Variants in NAV2 observed in about 807,000 individuals in gnomAD.
The protein encoded by NAV2 is helicase, APC down-regulated 1.
Under a neutral mutation model 223.2 loss-of-function variants are expected in NAV2, and 54 were observed. The ratio of observed to expected loss-of-function variants is 0.24; its 90% CI spans 0.19 to 0.30. The LOEUF is 0.30. Ranked by LOEUF, NAV2 falls within the 10% of genes least tolerant of loss-of-function variation. The probability of loss-of-function intolerance (pLI) is 1.00; values close to 1 mark genes in which losing one functional copy is unlikely to be tolerated. For missense variants in NAV2, 2,806 were observed against 3,147.5 expected, an observed-to-expected ratio of 0.89 and a Z score of 2.60; for synonymous variants, 1,279 against 1,239.3, an observed-to-expected ratio of 1.03 and a Z score of -0.67.
intron 1 of NAV2, among the ~76,000 whole-genome samples, chr11:19,563,590 T>TGC (rs2045171641): frequency 1.3e-5 from 2 of 152,230 alleles, no homozygotes; most frequent in African/African-American, 2.4e-5. Flanking sequence ...TTCACCAATG[T>TGC]GCTTGTTAAA....
intron 1 of NAV2, among the ~76,000 whole-genome samples, chr11:19,423,199 T>A (rs775456595): frequency 1.3e-5 from 2 of 152,374 alleles, no homozygotes; most frequent in South Asian, 2.1e-4. Flanking sequence ...CCATACCAAA[T>A]CTCTTTGAGC....
chr11:19,605,535 T>TA (rs542244329), intron 1 of NAV2, among the ~76,000 whole-genome samples: 2,731 of 135,948 alleles, frequency 0.02, 52 homozygotes, highest in African/African-American at 0.056. Context: ...AAATATTATT[T>TA]AAAAAAAAAA....
At chr11:19,475,711 A>G (rs978703173) in intron 1 of NAV2, among the ~76,000 whole-genome samples, 2 of 152,210 alleles carry the variant, frequency 1.3e-5, no homozygotes, top group African/African-American at 4.8e-5. Context: ...TTGGCCATCC[A>G]TGGAGAGGAA....
intron 12 of NAV2, 89 bp downstream of exon 12, chr11:20,036,186 A>G (rs2153566812): frequency 6.8e-7 from 1 of 1,479,434 alleles, no homozygotes. Context: ...CATTTGGGGC[A>G]ACCAGAATCT....
intron 1 of NAV2, among the ~76,000 whole-genome samples, chr11:19,705,328 G>A (rs1035386594): frequency 7.9e-5 from 12 of 152,320 alleles, no homozygotes; most frequent in Non-Finnish European, 1.3e-4. Context: ...GAATCCAGAC[G>A]TTTTGATTTC....
chr11:19,838,476 A>C (rs1351875782), intron 2 of NAV2, among the ~76,000 whole-genome samples: 2 of 152,236 alleles, frequency 1.3e-5, no homozygotes, highest in Non-Finnish European at 2.9e-5. Flanking sequence ...CCAGAGGGCC[A>C]GCAAGGCAAA....
At chr11:19,638,194 G>A (rs1016782144) in intron 1 of NAV2, among the ~76,000 whole-genome samples, 2 of 152,164 alleles carry the variant, frequency 1.3e-5, no homozygotes, top group Non-Finnish European at 2.9e-5. Flanking sequence ...TGATCCAGGA[G>A]TGAGCACCCG....
chr11:19,948,400 G>A (rs1006843450), intron 9 of NAV2, among the ~76,000 whole-genome samples: 28 of 152,108 alleles, frequency 1.8e-4, no homozygotes, highest in Admixed American at 1.6e-3. Context: ...ACTGCATCTG[G>A]CCTGGAAAGA....
At chr11:19,723,013 A>G (rs1387620640) in intron 1 of NAV2, among the ~76,000 whole-genome samples, 1 of 152,228 alleles carries the variant, frequency 6.6e-6, no homozygotes, top group Non-Finnish European at 1.5e-5. Flanking sequence ...TAATAATGGC[A>G]CTGCAGCAGA....
intron 1 of NAV2, among the ~76,000 whole-genome samples, chr11:19,619,779 T>C (rs573057402): frequency 1.3e-5 from 2 of 152,330 alleles, no homozygotes; most frequent in South Asian, 4.1e-4. Context: ...ACCCCATTTG[T>C]CAATTTTGTC....
intron 36 of NAV2, among the ~76,000 whole-genome samples, chr11:20,108,259 G>A (rs1033542971): frequency 1.3e-5 from 2 of 152,126 alleles, no homozygotes; most frequent in African/African-American, 4.8e-5. Context: ...ATGTGCTTAA[G>A]GTTATAAAAG....
chr11:19,902,366 GAGA>G (rs1390572154), intron 6 of NAV2, among the ~76,000 whole-genome samples: 4 of 152,136 alleles, frequency 2.6e-5, no homozygotes, highest in East Asian at 1.9e-4. Context: ...TTTTTTCACA[GAGA>G]AGAAGAATGC....
At chr11:20,051,152 C>A in intron 16 of NAV2, 137 bp from the exon 17 acceptor site, 1 of 705,938 alleles carries the variant, frequency 1.4e-6, no homozygotes, top group Non-Finnish European at 2.6e-6. Flanking sequence ...TTGCATTGCA[C>A]GCCTAGCTGG....
chr11:19,530,092 C>T (rs1443904105), intron 1 of NAV2, among the ~76,000 whole-genome samples: 1 of 152,142 alleles, frequency 6.6e-6, no homozygotes, highest in Non-Finnish European at 1.5e-5. Flanking sequence ...GAGCAAGTCA[C>T]CATTGTCACC....
At position 19,395,746 on chromosome 11, in the gene NAV2, C is replaced by T. The variant is rs76110901; in HGVS notation, c.75+44719C>T. ...CTCTGTCCTTGCCACTGGGCCTCTT[C>T]CCGCCTCCCTTCCTCATGGTCTCTG... On this transcript the variant is annotated intron_variant, in intron 1 of 37. Coordinates refer to the NAV2 transcript ENST00000360655. Among the ~76,000 whole-genome samples, 1,352 of 152,314 alleles carry T rather than the reference C, an allele frequency of 8.9e-3. 20 individuals are homozygous for T. The highest frequency in any genetic ancestry group is 0.031 in the African/African-American group (1,287 of 41,566).
intron 1 of NAV2, among the ~76,000 whole-genome samples, chr11:19,724,980 C>T (rs1305718008): frequency 6.6e-6 from 1 of 152,220 alleles, no homozygotes; most frequent in Non-Finnish European, 1.5e-5. Context: ...TGTCAAGCCT[C>T]AATTTCCCTG....
At chr11:20,064,324 A>C (rs1171909124) in intron 20 of NAV2, among the ~76,000 whole-genome samples, 1 of 152,162 alleles carries the variant, frequency 6.6e-6, no homozygotes, top group African/African-American at 2.4e-5. Flanking sequence ...TTTAGGAGAG[A>C]AAGGAGCCTG....
chr11:19,712,637 G>A (rs992044333), upstream of NAV2: 2 of 151,500 alleles, frequency 1.3e-5, no homozygotes, highest in Non-Finnish European at 3.0e-5. Flanking sequence ...GCGCGGCCGG[G>A]GCAGTGCCGC....
intron 1 of NAV2, among the ~76,000 whole-genome samples, chr11:19,568,588 C>T (rs1456905613): frequency 6.6e-6 from 1 of 152,188 alleles, no homozygotes; most frequent in African/African-American, 2.4e-5. Context: ...TTGTGTCAGA[C>T]CCTGCTAAGC....
Sources: allele counts gnomAD v4.1 joint callset (sites outside exome capture counted in the v4.1 genomes callset), GRCh38; gene constraint gnomAD v4.1.1; transcripts MANE v1.5; gene names NCBI Gene and HGNC (gene_info 2026-07-23, HGNC 2026-07-21).